The following RARB variants were observed in gnomAD, a reference collection of about 807,000 sequenced individuals.
RARB encodes the protein HBV-activated protein.
RARB carries 17 observed loss-of-function variants against 51.9 expected under a neutral mutation model. That is an observed-to-expected ratio of 0.33 (90% CI 0.22 to 0.49). The LOEUF (loss-of-function observed/expected upper bound fraction) is 0.49, where lower values mean the gene tolerates loss of function less well. Among genes scored for constraint, RARB ranks in the 20% least tolerant of loss-of-function variants. RARB has a pLI of 0.99. For synonymous variants in RARB, 215 were observed against 195.4 expected (o/e 1.10, Z -0.84); for missense variants, 369 against 550.8 (o/e 0.67, Z 3.30).
upstream of RARB, chr3:25,428,187 T>C (rs1708052765): frequency 2.5e-6 from 3 of 1,197,348 alleles, no homozygotes; most frequent in East Asian, 9.6e-5. Context: ...GTTGGGTCAT[T>C]TGAAGGTTAG....
intron 3 of RARB, among the ~76,000 whole-genome samples, chr3:25,069,371 C>T (rs1698725376): frequency 1.3e-5 from 2 of 152,204 alleles, no homozygotes; most frequent in South Asian, 4.1e-4. Flanking sequence ...CCTGGTGACA[C>T]AGAAAGTAAA....
intron 5 of RARB, among the ~76,000 whole-genome samples, chr3:25,214,602 A>G (rs902740946): frequency 2.6e-5 from 4 of 152,316 alleles, no homozygotes; most frequent in East Asian, 1.9e-4. Flanking sequence ...AGAATCCTCA[A>G]TATTTTAACA....
intron 5 of RARB, among the ~76,000 whole-genome samples, chr3:25,313,066 C>G (rs79389509): frequency 0.039 from 5,957 of 152,310 alleles, 162 homozygotes; most frequent in Middle Eastern, 0.061. Flanking sequence ...CATGTTAAGG[C>G]TTCCATTTCT....
chr3:25,066,948 C>T (rs1304683421), intron 3 of RARB, among the ~76,000 whole-genome samples: 2 of 152,086 alleles, frequency 1.3e-5, no homozygotes. Flanking sequence ...TGGTACTGGG[C>T]ATTTCTCTCC....
At chr3:25,562,945 T>C (rs918204217) in intron 3 of RARB, among the ~76,000 whole-genome samples, 1 of 152,248 alleles carries the variant, frequency 6.6e-6, no homozygotes, top group Non-Finnish European at 1.5e-5. Context: ...AAAGAAGTAT[T>C]TGACGTCTGT....
At chr3:25,336,745 A>G (rs1705074657) in intron 5 of RARB, among the ~76,000 whole-genome samples, 1 of 152,138 alleles carries the variant, frequency 6.6e-6, no homozygotes, top group Admixed American at 6.6e-5. Flanking sequence ...CAATTACCTA[A>G]AGGTTAATGT....
intron 5 of RARB, among the ~76,000 whole-genome samples, chr3:25,398,402 A>G (rs752054107): frequency 1.4e-4 from 21 of 152,240 alleles, no homozygotes; most frequent in Non-Finnish European, 2.2e-4. Context: ...GCTATTTAAT[A>G]TATCAGCTTT....
intron 3 of RARB, among the ~76,000 whole-genome samples, chr3:25,090,188 C>A (rs137865462): frequency 6.6e-6 from 1 of 152,080 alleles, no homozygotes; most frequent in Non-Finnish European, 1.5e-5. Context: ...CCTCTTGGCA[C>A]CTTTGCATAT....
chr3:25,019,266 A>C (rs1697577703), intron 2 of RARB, among the ~76,000 whole-genome samples: 1 of 152,180 alleles, frequency 6.6e-6, no homozygotes, highest in African/African-American at 2.4e-5. Flanking sequence ...ATTCAGAACT[A>C]TTTTTGATTG....
intron 5 of RARB, among the ~76,000 whole-genome samples, chr3:25,422,901 G>A (rs937119675): frequency 6.6e-6 from 1 of 152,124 alleles, no homozygotes; most frequent in African/African-American, 2.4e-5. Context: ...AACAGAGGTG[G>A]ACAAACTACA....
At chr3:25,221,188 A>G (rs1317167503) in intron 5 of RARB, among the ~76,000 whole-genome samples, 2 of 152,218 alleles carry the variant, frequency 1.3e-5, no homozygotes, top group African/African-American at 4.8e-5. Flanking sequence ...GGCAAAAGGA[A>G]TTAGGAGGAA....
chr3:25,033,299 A>G (rs1397208903), intron 2 of RARB, among the ~76,000 whole-genome samples: 3 of 152,338 alleles, frequency 2.0e-5, no homozygotes, highest in East Asian at 1.9e-4. Flanking sequence ...TCACTCATCT[A>G]TTGTTAAAGA....
chr3:25,159,340 TG>T (rs1700436250), intron 4 of RARB, among the ~76,000 whole-genome samples: 2 of 151,520 alleles, frequency 1.3e-5, no homozygotes, highest in South Asian at 4.2e-4. Context: ...TGGCTAATTT[TG>T]TGTTTTTAGT....
chr3:24,995,182 T>C (rs1360694113), intron 2 of RARB, among the ~76,000 whole-genome samples: 1 of 147,300 alleles, frequency 6.8e-6, no homozygotes, highest in Admixed American at 6.6e-5. Context: ...TGTTTTGTAG[T>C]TTTTTAAGTA....
chr3:25,122,256 G>A (rs1909523), intron 3 of RARB, among the ~76,000 whole-genome samples: 75,148 of 151,708 alleles, frequency 0.5, 18,987 homozygotes, highest in East Asian at 0.7. Context: ...GAAGTTGTGC[G>A]ATGCTTAACA....
At chr3:24,956,932 C>T (rs1163777217) in intron 2 of RARB, among the ~76,000 whole-genome samples, 1 of 152,190 alleles carries the variant, frequency 6.6e-6, no homozygotes, top group Non-Finnish European at 1.5e-5. Context: ...ACAGCCAGTA[C>T]AGTTATGGGC....
intron 5 of RARB, among the ~76,000 whole-genome samples, chr3:25,217,366 A>C (rs908405308): frequency 1.3e-5 from 2 of 152,298 alleles, no homozygotes; most frequent in Middle Eastern, 3.4e-3. Context: ...GTTTCAATCT[A>C]TCATAATTGT....
At chr3:25,450,235 T>G (rs1023752867) in intron 1 of RARB, among the ~76,000 whole-genome samples, 2 of 152,212 alleles carry the variant, frequency 1.3e-5, no homozygotes, top group African/African-American at 2.4e-5. Flanking sequence ...GGTGACCATA[T>G]TAGTCGCATT....
chr3:25,044,307 C>A (rs746440153), intron 2 of RARB, among the ~76,000 whole-genome samples: 1 of 152,100 alleles, frequency 6.6e-6, no homozygotes, highest in African/African-American at 2.4e-5. Context: ...GAGAAATTGG[C>A]CTTGTGTCAA....
Sources: gnomAD v4.1 joint callset for allele counts (sites outside exome capture counted in the v4.1 genomes callset) on GRCh38, gnomAD v4.1.1 for gene constraint, MANE v1.5 for transcripts, NCBI Gene and HGNC (gene_info 2026-07-23, HGNC 2026-07-21) for gene names.